SPAG16: variants seen among roughly 807,000 people sequenced by gnomAD.
SPAG16 encodes the protein sperm-associated antigen 16 protein.
A neutral mutation model predicts 80.4 loss-of-function variants in SPAG16; 86 were observed. That is an observed-to-expected ratio of 1.07 (90% confidence interval 0.90 to 1.28). The LOEUF (loss-of-function observed/expected upper bound fraction) is 1.28. Ranked by LOEUF, SPAG16 falls within the 50% of genes most tolerant of loss-of-function variation. The pLI is 0.00. For synonymous variants in SPAG16, 294 were observed against 265.9 expected, an observed-to-expected ratio of 1.11 and a Z score of -1.03; for missense variants, 870 against 765.3, an observed-to-expected ratio of 1.14 and a Z score of -1.61.
chr2:213,293,395 C>T (rs1488986), intron 1 of SPAG16, among the ~76,000 whole-genome samples: 32,763 of 152,078 alleles, frequency 0.22, 4,365 homozygotes, highest in Non-Finnish European at 0.31. Flanking sequence ...ACTGAGTAGA[C>T]GTGACCCATG....
In SPAG16 at chr2:213,875,101, C is replaced by T. The variant is rs1217572545; in HGVS notation, c.1214+12473C>T. Reference sequence around the variant, plus strand: ...GGACTACAGGCACATACTACCACATCAAACTAATTTTTTTTTTTTTTGAGA... The same window carrying T: ...GGACTACAGGCACATACTACCACATTAAACTAATTTTTTTTTTTTTTGAGA... On this transcript the variant is annotated intron_variant, in intron 11 of 15. Transcript: ENST00000331683. Among the ~76,000 whole-genome samples, 8 of 118,244 alleles carry T rather than the reference C, an allele frequency of 6.8e-5. No individual in the cohort carries two copies. In the East Asian group the frequency reaches 2.0e-3, roughly 30 times the overall value. 77.6% of individuals were successfully genotyped at this position (118,244 alleles called of 152,430 possible).
At chr2:213,455,641 C>T (rs1236412382) in intron 9 of SPAG16, among the ~76,000 whole-genome samples, 1 of 152,190 alleles carries the variant, frequency 6.6e-6, no homozygotes, top group African/African-American at 2.4e-5. Flanking sequence ...CTCAGATCAT[C>T]AGGCATTAGA....
intron 13 of SPAG16, among the ~76,000 whole-genome samples, chr2:214,068,910 A>G (rs1386822468): frequency 6.6e-6 from 1 of 152,148 alleles, no homozygotes; most frequent in East Asian, 1.9e-4. Context: ...TTACAGAAGA[A>G]TAATACTTTA....
chr2:214,162,011 G>C (rs947315764), intron 15 of SPAG16, among the ~76,000 whole-genome samples: 1 of 151,938 alleles, frequency 6.6e-6, no homozygotes, highest in Non-Finnish European at 1.5e-5. Flanking sequence ...CTTTACGTTG[G>C]TAGCTTTTAC....
At chr2:213,692,173 A>G (rs2125298112) in intron 10 of SPAG16, among the ~76,000 whole-genome samples, 1 of 152,334 alleles carries the variant, frequency 6.6e-6, no homozygotes, top group African/African-American at 2.4e-5. Flanking sequence ...ATAAAATTTG[A>G]TGAAACCAAT....
intron 10 of SPAG16, among the ~76,000 whole-genome samples, chr2:213,606,678 T>G (rs2061272676): frequency 6.6e-6 from 1 of 152,088 alleles, no homozygotes; most frequent in African/African-American, 2.4e-5. Flanking sequence ...ATTCTTATCT[T>G]TAGCCTGGAT....
At chr2:213,782,514 A>G (rs546667125) in intron 10 of SPAG16, among the ~76,000 whole-genome samples, 6 of 152,338 alleles carry the variant, frequency 3.9e-5, no homozygotes, top group African/African-American at 1.2e-4. Flanking sequence ...ATATTCTTTG[A>G]TCCCTTTCAA....
At chr2:213,670,092 G>A (rs1276930177) in intron 10 of SPAG16, among the ~76,000 whole-genome samples, 1 of 151,834 alleles carries the variant, frequency 6.6e-6, no homozygotes, top group South Asian at 2.1e-4. Flanking sequence ...CTGCCTCCGG[G>A]GTTCACGCCC....
intron 12 of SPAG16, among the ~76,000 whole-genome samples, chr2:213,958,616 C>A (rs565271726): frequency 6.6e-6 from 1 of 152,268 alleles, no homozygotes; most frequent in Non-Finnish European, 1.5e-5. Context: ...AAAATTATAT[C>A]TTTACATATA....
intron 15 of SPAG16, among the ~76,000 whole-genome samples, chr2:214,406,233 A>C (rs2126155312): frequency 6.6e-6 from 1 of 152,328 alleles, no homozygotes; most frequent in Admixed American, 6.5e-5. Flanking sequence ...ACACTGTCAA[A>C]ATCAAATTGA....
chr2:213,435,188 A>G (rs1010237245), intron 9 of SPAG16, among the ~76,000 whole-genome samples: 26 of 152,238 alleles, frequency 1.7e-4, no homozygotes, highest in Non-Finnish European at 4.4e-5. Context: ...TGGATATGTA[A>G]TACTGTATAC....
chr2:214,138,455 A>G (rs561951232), intron 14 of SPAG16, among the ~76,000 whole-genome samples: 184 of 152,256 alleles, frequency 1.2e-3, no homozygotes, highest in African/African-American at 4.3e-3. Context: ...AAGAAAAGAC[A>G]ATTCAGCCAT....
At chr2:214,068,785 G>A (rs11687649) in intron 13 of SPAG16, among the ~76,000 whole-genome samples, 100,146 of 151,976 alleles carry the variant, frequency 0.66, 33,449 homozygotes, top group Middle Eastern at 0.71. Flanking sequence ...CCTTTCTTCC[G>A]AAGCAGAATT....
intron 15 of SPAG16, among the ~76,000 whole-genome samples, chr2:214,369,982 ACT>A (rs940035945): frequency 1.3e-5 from 2 of 151,706 alleles, no homozygotes; most frequent in Non-Finnish European, 2.9e-5. Flanking sequence ...AATGTTGAAA[ACT>A]CTTTTTTCAA....
chr2:214,290,262 A>G (rs1263581514), intron 15 of SPAG16, among the ~76,000 whole-genome samples: 1 of 152,010 alleles, frequency 6.6e-6, no homozygotes, highest in African/African-American at 2.4e-5. Flanking sequence ...ATCAATTGCA[A>G]TGTTTCCTTT....
At chr2:213,412,087 T>C (rs2069003213) in intron 9 of SPAG16, among the ~76,000 whole-genome samples, 1 of 152,150 alleles carries the variant, frequency 6.6e-6, no homozygotes, top group Non-Finnish European at 1.5e-5. Context: ...TACTCCACCC[T>C]GACTCATTCT....
chr2:213,532,440 C>T (rs2076099850), intron 10 of SPAG16, among the ~76,000 whole-genome samples: 1 of 150,772 alleles, frequency 6.6e-6, no homozygotes, highest in African/African-American at 2.4e-5. Context: ...TTGAAAGTTT[C>T]TCTTCATATG....
intron 14 of SPAG16, among the ~76,000 whole-genome samples, chr2:214,108,611 A>G (rs2053518745): frequency 6.6e-6 from 1 of 152,088 alleles, no homozygotes; most frequent in Non-Finnish European, 1.5e-5. Context: ...TAGACTGCAT[A>G]AAATTTTAAT....
At chr2:213,773,757 T>C (rs2069402498) in intron 10 of SPAG16, among the ~76,000 whole-genome samples, 1 of 152,048 alleles carries the variant, frequency 6.6e-6, no homozygotes, top group Admixed American at 6.6e-5. Context: ...TTTCACCATC[T>C]TGGCCAGGCT....
Sources: allele counts gnomAD v4.1 joint callset (sites outside exome capture counted in the v4.1 genomes callset), GRCh38; gene constraint gnomAD v4.1.1; transcripts MANE v1.5; gene names NCBI Gene and HGNC (gene_info 2026-07-23, HGNC 2026-07-21).